Variants in BARX2 observed in about 807,000 individuals in gnomAD.
The protein encoded by BARX2 is BARX homeobox 2.
A neutral mutation model predicts 25.5 loss-of-function variants in BARX2; 11 were observed. That is an observed-to-expected ratio of 0.43 (90% CI 0.27 to 0.71). The LOEUF (loss-of-function observed/expected upper bound fraction) is 0.71, where lower values mean the gene tolerates loss of function less well. Ranked by LOEUF, BARX2 falls within the 30% of genes least tolerant of loss-of-function variation. The pLI is 0.19. For missense variants in BARX2, 360 were observed against 359.9 expected (o/e 1.00, Z 0.00); for synonymous variants, 137 against 149.5 (o/e 0.92, Z 0.61).
At chr11:129,444,940 G>T (rs753441051) in intron 3 of BARX2, among the ~76,000 whole-genome samples, 14 of 152,132 alleles carry the variant, frequency 9.2e-5, no homozygotes, top group Non-Finnish European at 1.9e-4. Context: ...GGCAGAGGTT[G>T]CAGTGAGCCA....
intron 1 of BARX2, among the ~76,000 whole-genome samples, chr11:129,420,668 T>C (rs1312879830): frequency 6.6e-6 from 1 of 152,256 alleles, no homozygotes; most frequent in Non-Finnish European, 1.5e-5. Context: ...TAGTTTATAG[T>C]TTATTACTTC....
At chr11:129,429,168 G>A (rs918073236) in intron 1 of BARX2, among the ~76,000 whole-genome samples, 1 of 152,104 alleles carries the variant, frequency 6.6e-6, no homozygotes, top group Non-Finnish European at 1.5e-5. Context: ...TAATCTATAA[G>A]GTTAGTGTAA....
At chr11:129,434,420 GTAAAA>G (rs1565520645) in intron 1 of BARX2, among the ~76,000 whole-genome samples, 2 of 14,534 alleles carry the variant, frequency 1.4e-4, no homozygotes, top group Non-Finnish European at 2.4e-4. Context: ...AAAAAAGTAA[GTAAAA>G]AAAAAAAAAA....
chr11:129,410,983 C>T (rs1219386977), intron 1 of BARX2, among the ~76,000 whole-genome samples: 1 of 152,170 alleles, frequency 6.6e-6, no homozygotes, highest in Non-Finnish European at 1.5e-5. Context: ...CAAGTACATT[C>T]TTAGACAGGC....
At position 129,436,402 on chromosome 11, in the gene BARX2, G is replaced by A. The variant is rs1218761895; in HGVS notation, c.188-349G>A. On this transcript the variant is annotated intron_variant, in intron 1 of 3. Coordinates refer to ENST00000281437, the MANE Select transcript of BARX2 (RefSeq NM_003658.5). The surrounding 1 kb of genome is among the most constrained non-coding windows in gnomAD (Gnocchi z 4.5). ...AATCTATTTCGGGTTTCTGAAATATGTGTCTCTAGCTTTTCCTGACTACTT... is the reference window on the plus strand; with the variant it reads ...AATCTATTTCGGGTTTCTGAAATATATGTCTCTAGCTTTTCCTGACTACTT... The A allele has an allele frequency of 7.2e-6, 2 of 278,890 alleles. No homozygotes were observed. The highest frequency in any genetic ancestry group is 4.3e-5 in the African/African-American group (2 of 46,010). The allele number at this position is 278,890 out of a possible 1,614,324, so 17.3% of individuals were successfully genotyped here.
chr11:129,434,357 G>A (rs1469549720), intron 1 of BARX2, among the ~76,000 whole-genome samples: 1 of 121,588 alleles, frequency 8.2e-6, no homozygotes, highest in African/African-American at 3.1e-5. Context: ...TTGAGGCCAA[G>A]AGTTCAAAAC....
chr11:129,380,812 G>GTTTT (rs5795668), intron 1 of BARX2, among the ~76,000 whole-genome samples: 1 of 146,896 alleles, frequency 6.8e-6, no homozygotes. Context: ...TTAGGAGTCA[G>GTTTT]TTTTTTTTTT....
chr11:129,379,125 C>G (rs1028785283), intron 1 of BARX2, among the ~76,000 whole-genome samples: 1 of 152,150 alleles, frequency 6.6e-6, no homozygotes, highest in African/African-American at 2.4e-5. Context: ...CTCTAAATTT[C>G]TCTCGGTTTC....
chr11:129,384,435 C>T (rs1861599659), intron 1 of BARX2, among the ~76,000 whole-genome samples: 1 of 152,140 alleles, frequency 6.6e-6, no homozygotes, highest in African/African-American at 2.4e-5. Context: ...ACCTGCCAAC[C>T]TCCACTGCCC....
chr11:129,393,943 T>C (rs1416972943), intron 1 of BARX2, among the ~76,000 whole-genome samples: 1 of 152,092 alleles, frequency 6.6e-6, no homozygotes, highest in Non-Finnish European at 1.5e-5. Flanking sequence ...ATAAAACATT[T>C]AAGAAATAAA....
At chr11:129,399,741 A>T (rs1297285155) in intron 1 of BARX2, among the ~76,000 whole-genome samples, 1 of 152,122 alleles carries the variant, frequency 6.6e-6, no homozygotes, top group Non-Finnish European at 1.5e-5. Flanking sequence ...AATTATATGT[A>T]AATTAAGGGT....
intron 1 of BARX2, among the ~76,000 whole-genome samples, chr11:129,434,149 C>T (rs1026698594): frequency 6.6e-6 from 1 of 151,618 alleles, no homozygotes; most frequent in Non-Finnish European, 1.5e-5. Context: ...AAGAATAATA[C>T]AAATGATTTT....
chr11:129,377,338 T>C (rs1172588751), intron 1 of BARX2, among the ~76,000 whole-genome samples: 2 of 152,248 alleles, frequency 1.3e-5, no homozygotes, highest in East Asian at 3.8e-4. Context: ...TGATAGTCCC[T>C]ATATGACAAT....
chr11:129,415,481 C>T (rs1211508953), intron 1 of BARX2, among the ~76,000 whole-genome samples: 1 of 152,150 alleles, frequency 6.6e-6, no homozygotes, highest in African/African-American at 2.4e-5. Context: ...TTTGGATAAG[C>T]AATAAGAATG....
chr11:129,426,201 T>C (rs1862060545), intron 1 of BARX2, among the ~76,000 whole-genome samples: 1 of 152,150 alleles, frequency 6.6e-6, no homozygotes, highest in Non-Finnish European at 1.5e-5. Context: ...AATCTCTTTG[T>C]ATTTCCTCCC....
At chr11:129,396,771 T>G (rs1861725173) in intron 1 of BARX2, among the ~76,000 whole-genome samples, 1 of 152,080 alleles carries the variant, frequency 6.6e-6, no homozygotes, top group South Asian at 2.1e-4. Flanking sequence ...GGACGTGGGA[T>G]TTGAACTTGC....
chr11:129,430,664 C>T (rs1420476924), intron 1 of BARX2, among the ~76,000 whole-genome samples: 1 of 152,148 alleles, frequency 6.6e-6, no homozygotes, highest in Non-Finnish European at 1.5e-5. Context: ...GCATCTCCTC[C>T]AGTCCCAGCC....
intron 3 of BARX2, among the ~76,000 whole-genome samples, chr11:129,443,417 T>C (rs552026628): frequency 6.6e-6 from 1 of 152,064 alleles, no homozygotes; most frequent in Admixed American, 6.6e-5. Flanking sequence ...ACGTAGAGGA[T>C]GCATCTGTTC....
At chr11:129,385,561 C>A (rs1861609519) in intron 1 of BARX2, among the ~76,000 whole-genome samples, 1 of 152,020 alleles carries the variant, frequency 6.6e-6, no homozygotes. Context: ...CTGTCTGATA[C>A]CATTTATTTA....
Sources: allele counts gnomAD v4.1 joint callset (sites outside exome capture counted in the v4.1 genomes callset), GRCh38; gene constraint gnomAD v4.1.1; non-coding constraint Gnocchi (gnomAD v3.1); transcripts MANE v1.5; gene names NCBI Gene and HGNC (gene_info 2026-07-23, HGNC 2026-07-21).